Variants in ATP6V0A4 observed in about 807,000 individuals in gnomAD.
The protein encoded by ATP6V0A4 is ATPase H+ transporting V0 subunit a4.
Under a neutral mutation model 107.3 loss-of-function variants are expected in ATP6V0A4, and 86 were observed. The ratio of observed to expected loss-of-function variants is 0.80; its 90% CI spans 0.67 to 0.96. The LOEUF is 0.96. Ranked by LOEUF, ATP6V0A4 falls within the 40% of genes least tolerant of loss-of-function variation. ATP6V0A4 has a pLI of 0.00. For missense variants in ATP6V0A4, 908 were observed against 1,045.6 expected, an observed-to-expected ratio of 0.87 and a Z score of 1.81; for synonymous variants, 353 against 381.4, an observed-to-expected ratio of 0.93 and a Z score of 0.87.
At chr7:138,751,109 T>C (rs1301135028) in intron 11 of ATP6V0A4, among the ~76,000 whole-genome samples, 1 of 152,016 alleles carries the variant, frequency 6.6e-6, no homozygotes, top group Non-Finnish European at 1.5e-5. Context: ...ACCCAGCTAG[T>C]TCCCCATCGG....
intron 18 of ATP6V0A4, among the ~76,000 whole-genome samples, chr7:138,726,857 C>T (rs984798226): frequency 6.6e-6 from 1 of 152,030 alleles, no homozygotes; most frequent in African/African-American, 2.4e-5. Flanking sequence ...AACCCTCTCT[C>T]CCTCCTTCCC....
chr7:138,716,081 G>A (rs1804019415), intron 19 of ATP6V0A4, 200 bp from the exon 20 acceptor site: 1 of 320,230 alleles, frequency 3.1e-6, no homozygotes, highest in Admixed American at 6.5e-5. Flanking sequence ...ACGTTCCCCA[G>A]CAATAGCTGA....
chr7:138,784,236 GTATA>G lies in ATP6V0A4; in HGVS notation c.-18+1918_-18+1921del, dbSNP rs869254063. ...ACATTATATATATATATATATATAC[GTATA>G]TATATATATATACATATATATATAT... On this transcript the variant is annotated intron_variant, in intron 2 of 21. Transcript: ENST00000310018. Among the ~76,000 whole-genome samples, 14 of 16,810 alleles carry G rather than the reference GTATA, an allele frequency of 8.3e-4. No homozygotes were observed. In the Admixed American group the frequency reaches 8.4e-3, roughly 10 times the overall value. 11.0% of individuals were successfully genotyped at this position (16,810 alleles called of 152,430 possible). A position where few individuals can be genotyped will look rare whatever the true frequency, so the allele number is the denominator to read the frequency against.
intron 20 of ATP6V0A4, among the ~76,000 whole-genome samples, chr7:138,714,855 T>C (rs1346765401): frequency 6.6e-6 from 1 of 152,322 alleles, no homozygotes; most frequent in East Asian, 1.9e-4. Flanking sequence ...CAACATACTA[T>C]ATTACATGGC....
rs747474952 is a variant in ATP6V0A4 at position 138,745,132 on chromosome 7, C to T, written c.1469G>A (p.Gly490Asp). 1.7e-5 allele frequency: 28 copies of T among 1,613,538 alleles called. No individual in the cohort carries two copies. Among genetic ancestry groups the T allele is most frequent in the African/African-American group, 2.7e-5 (2 of 74,914 alleles). The change falls in exon 14 of 22, where the codon GGC becomes GAC. Residue 490 changes from glycine (G) to aspartate (D), a missense_variant. Transcript: ENST00000310018. ...CTGTCTGTCAACTCACTTCCATGTG[C>T]CGTTTCTGAACATGGGTTGGACACT... ...SWSVQPMFRN[G>D]TWNTHVMEES...
In ATP6V0A4 at chr7:138,706,444, C is replaced by A. The variant is rs1047422453; in HGVS notation, c.*180G>T. On this transcript the variant is annotated 3_prime_UTR_variant, in exon 22 of 22. Coordinates refer to ENST00000310018, the MANE Select transcript of ATP6V0A4 (RefSeq NM_020632.3). The stretch of plus-strand genomic sequence containing the variant: ...ACAATATCACTTGCCAAAGTCCTTC[C>A]TCTGACGTGGTTAAGTCGTATCAAA... The A allele has an allele frequency of 3.9e-5, 28 of 712,028 alleles. No homozygotes were observed. Among genetic ancestry groups the A allele is most frequent in the Non-Finnish European group, 6.4e-5 (27 of 419,698 alleles). The allele number at this position is 712,028 out of a possible 1,614,324, so 44.1% of individuals were successfully genotyped here.
rs370465970 is a variant in ATP6V0A4, at chr7:138,783,023, C to T, written c.-18+3135G>A. Among the ~76,000 whole-genome samples, 11 of 151,962 alleles carry T rather than the reference C, an allele frequency of 7.2e-5. No individual in the cohort carries two copies. The East Asian group carries it at 9.7e-4, about 13-fold the overall frequency. On this transcript the variant is annotated intron_variant, in intron 2 of 21. Transcript: ENST00000310018. ...CCGAGAGGCGGAGGTTGCAGTGAGC[C>T]GAGATTGCACCACTGCACTGCAGCC...
intron 1 of ATP6V0A4, 153 bp downstream of exon 1, chr7:138,797,881 C>A: frequency 9.1e-7 from 1 of 1,099,672 alleles, no homozygotes; most frequent in Non-Finnish European, 1.3e-6. Flanking sequence ...CCTTCCTCAG[C>A]CAACGGTTTG....
At chr7:138,790,547 G>C (rs565927105) in intron 1 of ATP6V0A4, among the ~76,000 whole-genome samples, 1 of 152,246 alleles carries the variant, frequency 6.6e-6, no homozygotes, top group Non-Finnish European at 1.5e-5. Context: ...AGCCCACCTT[G>C]GCCTTCCAAA....
chr7:138,707,093 TATA>T (rs1396676341), intron 21 of ATP6V0A4, among the ~76,000 whole-genome samples: 1 of 109,284 alleles, frequency 9.2e-6, no homozygotes, highest in Non-Finnish European at 1.7e-5. Flanking sequence ...TGTGTGTGTG[TATA>T]ATATATCATA....
intron 16 of ATP6V0A4, 139 bp from the exon 17 acceptor site, chr7:138,733,232 AC>A (rs762913168): frequency 2.5e-5 from 32 of 1,277,986 alleles, no homozygotes; most frequent in African/African-American, 1.5e-4. Context: ...GGCACCCCCC[AC>A]CCCCCCAGCA....
rs1193285819 is a variant in ATP6V0A4 at position 138,762,720 on chromosome 7, C to T, written c.417+180G>A. ...TTTACTGAGCACCATAATATTTTTC[C>T]CTTCAATCCAACCAGCACTACAATT... On this transcript the variant is annotated intron_variant, in intron 6 of 21. Coordinates refer to ENST00000310018, the MANE Select transcript of ATP6V0A4 (RefSeq NM_020632.3). 2.0e-5 allele frequency among the ~76,000 whole-genome samples: 3 copies of T among 152,104 alleles called. No homozygotes were observed. The East Asian group carries it at 5.8e-4, about 29-fold the overall frequency.
chr7:138,750,567 C>T (rs1806170562), intron 11 of ATP6V0A4, among the ~76,000 whole-genome samples: 1 of 152,232 alleles, frequency 6.6e-6, no homozygotes, highest in African/African-American at 2.4e-5. Context: ...AGCCACCGCA[C>T]ACCCGACAGC....
At chr7:138,772,495 C>T (rs985727433) in intron 2 of ATP6V0A4, among the ~76,000 whole-genome samples, 1 of 152,140 alleles carries the variant, frequency 6.6e-6, no homozygotes, top group Non-Finnish European at 1.5e-5. Flanking sequence ...TTAGCCAAAA[C>T]TGACCTGCAA....
chr7:138,736,918 G>A (rs546729410), intron 15 of ATP6V0A4, among the ~76,000 whole-genome samples: 1 of 151,824 alleles, frequency 6.6e-6, no homozygotes, highest in South Asian at 2.1e-4. Flanking sequence ...CAGACATAGA[G>A]ATGTTAACGT....
At chr7:138,774,992 G>A (rs1807592572) in intron 2 of ATP6V0A4, among the ~76,000 whole-genome samples, 1 of 152,072 alleles carries the variant, frequency 6.6e-6, no homozygotes. Context: ...AAGCCAATTA[G>A]GTGCATTTCT....
intron 21 of ATP6V0A4, among the ~76,000 whole-genome samples, chr7:138,707,092 GTA>G (rs1554385689): frequency 2.0e-5 from 2 of 102,350 alleles, no homozygotes; most frequent in African/African-American, 4.1e-5. Flanking sequence ...GTGTGTGTGT[GTA>G]TAATATATCA....
In ATP6V0A4 at chr7:138,706,422, A is replaced by G. The variant is rs933853259; in HGVS notation, c.*202T>C. On this transcript the variant is annotated 3_prime_UTR_variant, in exon 22 of 22. Coordinates refer to ENST00000310018, the MANE Select transcript of ATP6V0A4 (RefSeq NM_020632.3). ...AGAATTAATACCCCACATGAAGACAATATCACTTGCCAAAGTCCTTCCTCT... is the reference window on the plus strand; with the variant it reads ...AGAATTAATACCCCACATGAAGACAGTATCACTTGCCAAAGTCCTTCCTCT... 9 of 617,504 alleles carry G rather than the reference A, an allele frequency of 1.5e-5. No individual in the cohort carries two copies. Among genetic ancestry groups the G allele is most frequent in the African/African-American group, 1.1e-4 (6 of 54,708 alleles). The allele number at this position is 617,504 out of a possible 1,614,324, so 38.3% of individuals were successfully genotyped here.
intron 13 of ATP6V0A4, among the ~76,000 whole-genome samples, chr7:138,745,962 A>AAAAAAAT (rs1554396065): frequency 1.5e-5 from 1 of 65,682 alleles, no homozygotes; most frequent in African/African-American, 6.7e-5. Flanking sequence ...AAAAAAAAAA[A>AAAAAAAT]ATATATATAT....
Sources: allele counts gnomAD v4.1 joint callset (sites outside exome capture counted in the v4.1 genomes callset), GRCh38; gene constraint gnomAD v4.1.1; transcripts MANE v1.5; gene names NCBI Gene and HGNC (gene_info 2026-07-23, HGNC 2026-07-21).